PSD3: variants seen among roughly 807,000 people sequenced by gnomAD.
The protein encoded by PSD3 is PH and SEC7 domain-containing protein 3.
PSD3 carries 49 observed loss-of-function variants against 105.5 expected under a neutral mutation model. The observed-to-expected ratio is 0.46, with a 90% confidence interval of 0.37 to 0.59. The LOEUF is 0.59. Ranked by LOEUF, PSD3 falls within the 20% of genes least tolerant of loss-of-function variation. The pLI is 0.00. For synonymous variants in PSD3, 557 were observed against 457.8 expected, an observed-to-expected ratio of 1.22 and a Z score of -2.77; for missense variants, 1,561 against 1,263.8, an observed-to-expected ratio of 1.24 and a Z score of -3.57.
intron 1 of PSD3, among the ~76,000 whole-genome samples, chr8:19,074,150 A>G (rs1259434650): frequency 6.6e-6 from 1 of 152,170 alleles, no homozygotes; most frequent in Admixed American, 6.5e-5. Flanking sequence ...CCTCATCCAA[A>G]GCAGTATCCC....
rs17595804 is a variant in PSD3, at chr8:18,528,028, T to G, written c.*7715A>C. 6.6e-6 allele frequency: 1 copy of G among 152,186 alleles called. No individual in the cohort carries two copies. Among genetic ancestry groups the G allele is most frequent in the Non-Finnish European group, 1.5e-5 (1 of 68,026 alleles). 9.4% of individuals were successfully genotyped at this position (152,186 alleles called of 1,614,324 possible). On this transcript the variant is annotated 3_prime_UTR_variant, in exon 16 of 16. Transcript: ENST00000327040. The stretch of plus-strand genomic sequence containing the variant: ...GCCACAGTGAATATAACTCAGTTAT[T>G]ATAATAGGCTGGAAAAGTTAAAAGC...
Position 18,799,348 on chromosome 8 carries a change from C to CTG in PSD3, c.2028_2029insCA (p.Val677GlnfsTer9). 1 of 1,602,148 alleles carries CTG rather than the reference C, an allele frequency of 6.2e-7. No homozygotes were observed. The highest frequency in any genetic ancestry group is 1.1e-5 in the South Asian group (1 of 90,656). On this transcript the variant is annotated frameshift_variant, in exon 8 of 16. Coordinates refer to ENST00000327040, the MANE Select transcript of PSD3 (RefSeq NM_015310.4). LOFTEE classifies it high-confidence loss of function. ...ATTATTGCACAGGTAAGGCAATGGA[C>CTG]TCCATCTAAAGAAAGATACAAGAAA...
intron 9 of PSD3, among the ~76,000 whole-genome samples, chr8:18,672,565 G>A (rs769372814): frequency 6.6e-6 from 1 of 152,186 alleles, no homozygotes; most frequent in Non-Finnish European, 1.5e-5. Context: ...GAAATTTTAG[G>A]GAGCTAAATA....
chr8:18,821,959 C>T (rs1001673444), intron 4 of PSD3, among the ~76,000 whole-genome samples: 2 of 151,676 alleles, frequency 1.3e-5, no homozygotes, highest in East Asian at 3.9e-4. Flanking sequence ...GGCAAGTAAT[C>T]GAGTTCTTTA....
chr8:19,016,912 A>G (rs1322884815), upstream of PSD3, among the ~76,000 whole-genome samples: 2 of 152,294 alleles, frequency 1.3e-5, no homozygotes, highest in African/African-American at 4.8e-5. Flanking sequence ...TCATGAGAGC[A>G]GAGCCCTTAT....
chr8:18,616,307 C>T (rs10089420), intron 11 of PSD3, among the ~76,000 whole-genome samples: 48,715 of 152,116 alleles, frequency 0.32, 8,068 homozygotes, highest in Middle Eastern at 0.47. Context: ...CCCTACAATA[C>T]ATTTCTTTGA....
chr8:19,022,371 G>A (rs1260206510), intron 1 of PSD3, among the ~76,000 whole-genome samples: 1 of 152,100 alleles, frequency 6.6e-6, no homozygotes, highest in Non-Finnish European at 1.5e-5. Flanking sequence ...GCTGAGCCTT[G>A]CCCTCTCTCA....
chr8:18,799,051 C>G (rs570452679), intron 8 of PSD3: 1 of 424,852 alleles, frequency 2.4e-6, no homozygotes, highest in African/African-American at 2.0e-5. Context: ...AAAGAAGACA[C>G]AGAACACACA....
chr8:18,569,029 C>T (rs1409969595), intron 14 of PSD3, among the ~76,000 whole-genome samples: 1 of 139,262 alleles, frequency 7.2e-6, no homozygotes, highest in Non-Finnish European at 1.6e-5. Flanking sequence ...CTACAAAGGA[C>T]ATGAACTCAT....
chr8:18,658,505 T>G (rs1359748772), intron 9 of PSD3, among the ~76,000 whole-genome samples: 1 of 150,946 alleles, frequency 6.6e-6, no homozygotes, highest in Non-Finnish European at 1.5e-5. Context: ...ATGAAAATAT[T>G]AATAGATACT....
chr8:19,073,339 T>C (rs370691730), intron 1 of PSD3, among the ~76,000 whole-genome samples: 2 of 151,888 alleles, frequency 1.3e-5, no homozygotes, highest in East Asian at 3.9e-4. Context: ...TCACTTGGGG[T>C]TGGGAGTTTG....
At chr8:18,907,891 T>C (rs1329173116) in intron 2 of PSD3, among the ~76,000 whole-genome samples, 2 of 152,246 alleles carry the variant, frequency 1.3e-5, no homozygotes, top group Non-Finnish European at 2.9e-5. Context: ...TTATTAAATG[T>C]ATTGCTAAGC....
At chr8:18,599,593 T>C (rs967200630) in intron 12 of PSD3, among the ~76,000 whole-genome samples, 1 of 152,180 alleles carries the variant, frequency 6.6e-6, no homozygotes, top group Non-Finnish European at 1.5e-5. Flanking sequence ...AAATTTTGAA[T>C]AGTACGAGAC....
intron 11 of PSD3, among the ~76,000 whole-genome samples, chr8:18,606,308 G>A (rs1804824807): frequency 6.6e-6 from 1 of 151,694 alleles, no homozygotes; most frequent in Admixed American, 6.6e-5. Flanking sequence ...TTTATCTTCA[G>A]TACTGGTAGG....
chr8:19,074,607 ATATATTTTTTTTTTT>A (rs1829393964), intron 1 of PSD3, among the ~76,000 whole-genome samples: 2 of 11,678 alleles, frequency 1.7e-4, no homozygotes, highest in Admixed American at 3.0e-3. Context: ...ATATATATAT[ATATATTTTTTTTTTT>A]TTTTTTTTTT....
chr8:18,606,141 C>T lies in PSD3; in HGVS notation c.2411-5707G>A, dbSNP rs568475308. On this transcript the variant is annotated intron_variant, in intron 11 of 15. Coordinates refer to ENST00000327040, the MANE Select transcript of PSD3 (RefSeq NM_015310.4). ...CTTCCTGTGTATTATTTTGAAAAAC[C>T]TGTAGACATTATAACTTTGAATAAT... Among the ~76,000 whole-genome samples the T allele has an allele frequency of 6.6e-5, 10 of 152,258 alleles. No homozygotes were observed. The South Asian group carries it at 1.0e-3, about 16-fold the overall frequency.
At chr8:18,813,967 T>C (rs569127939) in intron 4 of PSD3, among the ~76,000 whole-genome samples, 104 of 152,330 alleles carry the variant, frequency 6.8e-4, no homozygotes, top group Middle Eastern at 6.8e-3. Flanking sequence ...AGATAATACA[T>C]GACAGCACTT....
At chr8:18,606,281 G>C (rs1160745469) in intron 11 of PSD3, among the ~76,000 whole-genome samples, 3 of 151,834 alleles carry the variant, frequency 2.0e-5, no homozygotes, top group African/African-American at 7.3e-5. Flanking sequence ...GTACTTGTGT[G>C]CTAAATGCTG....
chr8:18,728,231 C>G (rs1025277190), intron 9 of PSD3, among the ~76,000 whole-genome samples: 2 of 152,182 alleles, frequency 1.3e-5, no homozygotes, highest in African/African-American at 2.4e-5. Context: ...CAATTGAGCA[C>G]TGAAATACTC....
Sources: gnomAD v4.1 joint callset for allele counts (sites outside exome capture counted in the v4.1 genomes callset) on GRCh38, gnomAD v4.1.1 for gene constraint, MANE v1.5 for transcripts, NCBI Gene and HGNC (gene_info 2026-07-23, HGNC 2026-07-21) for gene names.